The following CACNB2 variants were observed in gnomAD, a reference collection of about 807,000 sequenced individuals.
The protein encoded by CACNB2 is voltage-dependent L-type calcium channel subunit beta-2.
Under a neutral mutation model 73.3 loss-of-function variants are expected in CACNB2, and 42 were observed. The ratio of observed to expected loss-of-function variants is 0.57; its 90% CI spans 0.45 to 0.74. The LOEUF is 0.74. CACNB2 is among the 30% of genes least tolerant of loss of function. The probability of loss-of-function intolerance (pLI) is 0.00; values close to 1 mark genes in which losing one functional copy is unlikely to be tolerated. For missense variants in CACNB2, 940 were observed against 853.0 expected (o/e 1.10, Z -1.27); for synonymous variants, 348 against 310.3 (o/e 1.12, Z -1.28).
chr10:18,171,789 G>C (rs764805170), intron 2 of CACNB2, among the ~76,000 whole-genome samples: 7 of 151,988 alleles, frequency 4.6e-5, no homozygotes, highest in Admixed American at 1.3e-4. Context: ...GTTACCCGGA[G>C]AAGTCAAATA....
At chr10:18,472,340 G>A (rs1265642099) in intron 3 of CACNB2, among the ~76,000 whole-genome samples, 1 of 145,614 alleles carries the variant, frequency 6.9e-6, no homozygotes, top group Non-Finnish European at 1.5e-5. Context: ...GGGTTCAAGT[G>A]ATTCTTTTGC....
chr10:18,185,663 A>C (rs1232710840), intron 2 of CACNB2, among the ~76,000 whole-genome samples: 1 of 152,224 alleles, frequency 6.6e-6, no homozygotes, highest in East Asian at 1.9e-4. Context: ...TTACCTTGAC[A>C]AAAGGTTGGC....
intron 2 of CACNB2, among the ~76,000 whole-genome samples, chr10:18,364,266 T>C (rs115185209): frequency 0.14 from 20,634 of 151,324 alleles, 1,542 homozygotes; most frequent in Middle Eastern, 0.21. Context: ...TACATGCGTT[T>C]TCTATAGCAA....
At chr10:18,354,582 T>C (rs1482192204) in intron 2 of CACNB2, among the ~76,000 whole-genome samples, 4 of 152,280 alleles carry the variant, frequency 2.6e-5, no homozygotes, top group Admixed American at 2.0e-4. Context: ...AGGGTTATTT[T>C]GTGGTGTTTT....
At chr10:18,437,935 A>G (rs2046218007) in intron 3 of CACNB2, among the ~76,000 whole-genome samples, 2 of 150,710 alleles carry the variant, frequency 1.3e-5, no homozygotes, top group African/African-American at 4.9e-5. Context: ...TATTATAATT[A>G]GAAATGTATT....
chr10:18,275,125 A>G (rs765166952), intron 2 of CACNB2, among the ~76,000 whole-genome samples: 12 of 152,210 alleles, frequency 7.9e-5, no homozygotes, highest in Admixed American at 1.3e-4. Context: ...GCAGTCAGTC[A>G]GTCAACCGGG....
intron 3 of CACNB2, among the ~76,000 whole-genome samples, chr10:18,404,762 T>A (rs1589255292): frequency 6.6e-6 from 1 of 152,196 alleles, no homozygotes; most frequent in Non-Finnish European, 1.5e-5. Flanking sequence ...GAAGTGAGAC[T>A]AGAGATACTG....
At chr10:18,440,899 A>G (rs780946299) in intron 3 of CACNB2, among the ~76,000 whole-genome samples, 1 of 152,186 alleles carries the variant, frequency 6.6e-6, no homozygotes, top group Non-Finnish European at 1.5e-5. Context: ...CCTTTGGACT[A>G]TGTTGTGAAT....
At chr10:18,162,594 C>T (rs1449208607) in intron 2 of CACNB2, among the ~76,000 whole-genome samples, 1 of 152,200 alleles carries the variant, frequency 6.6e-6, no homozygotes, top group African/African-American at 2.4e-5. Context: ...TTATTATTAA[C>T]ATCAGGGATC....
chr10:18,210,441 C>A (rs1173905912), intron 2 of CACNB2, among the ~76,000 whole-genome samples: 1 of 151,422 alleles, frequency 6.6e-6, no homozygotes, highest in East Asian at 1.9e-4. Flanking sequence ...GGTTTTTTTT[C>A]CCATAGGCCT....
chr10:18,168,942 T>C (rs2033049811), intron 2 of CACNB2, among the ~76,000 whole-genome samples: 1 of 152,228 alleles, frequency 6.6e-6, no homozygotes, highest in African/African-American at 2.4e-5. Context: ...CTTGGAACTT[T>C]TTAATACAGT....
chr10:18,498,705 C>T lies in CACNB2; in HGVS notation c.456+228C>T, dbSNP rs2049989712. Reference sequence around the variant, plus strand: ...AATAACTTCAGCGCTCCCTGGGGCTCTGTGGCCCAGAAATTGGGAACTGCT... The same window carrying T: ...AATAACTTCAGCGCTCCCTGGGGCTTTGTGGCCCAGAAATTGGGAACTGCT... On this transcript the variant is annotated intron_variant, in intron 4 of 13. Coordinates refer to ENST00000324631, the MANE Select transcript of CACNB2 (RefSeq NM_201596.3). 3 of 514,256 alleles carry T rather than the reference C, an allele frequency of 5.8e-6. No individual in the cohort carries two copies. In the East Asian group the frequency reaches 1.1e-4, roughly 19 times the overall value. The allele number at this position is 514,256 out of a possible 1,614,324, so 31.9% of individuals were successfully genotyped here. A position where few individuals can be genotyped will look rare whatever the true frequency, so the allele number is the denominator to read the frequency against.
At chr10:18,401,532 T>C (rs777174913) in intron 2 of CACNB2, among the ~76,000 whole-genome samples, 2 of 152,212 alleles carry the variant, frequency 1.3e-5, no homozygotes, top group Non-Finnish European at 2.9e-5. Flanking sequence ...CATGTTTTTG[T>C]TAAGCTTAAT....
At chr10:18,301,347 C>A (rs1049990335) in intron 2 of CACNB2, among the ~76,000 whole-genome samples, 12 of 152,142 alleles carry the variant, frequency 7.9e-5, no homozygotes, top group Non-Finnish European at 1.8e-4. Context: ...GTAATCCCAG[C>A]ACTTTAGGAG....
intron 2 of CACNB2, among the ~76,000 whole-genome samples, chr10:18,310,605 C>CAAAAAAAA (rs1157466238): frequency 2.7e-5 from 1 of 36,862 alleles, no homozygotes. Context: ...AACTCCATCT[C>CAAAAAAAA]AAAAAAAAAA....
At chr10:18,482,456 C>T (rs556642670) in intron 3 of CACNB2, among the ~76,000 whole-genome samples, 2 of 152,244 alleles carry the variant, frequency 1.3e-5, no homozygotes, top group African/African-American at 4.8e-5. Flanking sequence ...ATAATATCTC[C>T]TGGCTAGACT....
chr10:18,317,714 T>C (rs2040246203), intron 2 of CACNB2, among the ~76,000 whole-genome samples: 2 of 152,208 alleles, frequency 1.3e-5, no homozygotes, highest in African/African-American at 2.4e-5. Context: ...CAGGTGTCTT[T>C]TGGTAGAATG....
At chr10:18,255,654 CT>C (rs941217594) in intron 2 of CACNB2, among the ~76,000 whole-genome samples, 3 of 152,064 alleles carry the variant, frequency 2.0e-5, no homozygotes, top group Non-Finnish European at 2.9e-5. Context: ...ACAGTTGGTC[CT>C]TTTTTTGTTT....
intron 2 of CACNB2, among the ~76,000 whole-genome samples, chr10:18,207,933 G>T (rs1159419248): frequency 6.6e-6 from 1 of 152,180 alleles, no homozygotes. Context: ...TGAATTAACA[G>T]TTTTGATGTA....
Sources: gnomAD v4.1 joint callset for allele counts (sites outside exome capture counted in the v4.1 genomes callset) on GRCh38, gnomAD v4.1.1 for gene constraint, MANE v1.5 for transcripts, NCBI Gene and HGNC (gene_info 2026-07-23, HGNC 2026-07-21) for gene names.